The following SV2C variants were observed in gnomAD, a reference collection of about 807,000 sequenced individuals.
SV2C encodes synaptic vesicle glycoprotein 2C.
In SV2C, 49 loss-of-function variants were observed where a neutral mutation model predicts 79.7. The observed-to-expected ratio is 0.61, with a 90% CI of 0.49 to 0.78. The LOEUF is 0.78. Ranked by LOEUF, SV2C falls within the 30% of genes least tolerant of loss-of-function variation. The pLI, the probability that SV2C is intolerant of heterozygous loss-of-function variation, is 0.00. For missense variants in SV2C, 833 were observed against 912.9 expected, an observed-to-expected ratio of 0.91 and a Z score of 1.13; for synonymous variants, 334 against 333.2, an observed-to-expected ratio of 1.00 and a Z score of -0.03.
the SV2C span, among the ~76,000 whole-genome samples, chr5:76,059,269 C>T: frequency 6.6e-6 from 1 of 151,970 alleles, no homozygotes; most frequent in Non-Finnish European, 1.5e-5. Flanking sequence ...ATAAAGTTTG[C>T]TGCATCAATG....
chr5:75,942,861 C>T, the SV2C span, among the ~76,000 whole-genome samples: 2 of 152,050 alleles, frequency 1.3e-5, no homozygotes. Context: ...CTGTGTTAAT[C>T]GAATTAAGAA....
At chr5:75,893,546 A>T in the SV2C span, among the ~76,000 whole-genome samples, 189 of 152,196 alleles carry the variant, frequency 1.2e-3, no homozygotes, top group African/African-American at 4.4e-3. Flanking sequence ...AACATTGGGT[A>T]CTCATGGACA....
chr5:76,287,889 A>G (rs1204123540), intron 6 of SV2C, among the ~76,000 whole-genome samples: 1 of 152,198 alleles, frequency 6.6e-6, no homozygotes, highest in Non-Finnish European at 1.5e-5. Flanking sequence ...GATCGAGACC[A>G]TCCTGGCCAA....
At chr5:76,030,023 C>G in the SV2C span, among the ~76,000 whole-genome samples, 2 of 152,104 alleles carry the variant, frequency 1.3e-5, no homozygotes, top group Non-Finnish European at 2.9e-5. Context: ...ACTGCAGACC[C>G]CGGTTTCTAT....
the SV2C span, among the ~76,000 whole-genome samples, chr5:76,000,683 G>A: frequency 6.6e-6 from 1 of 152,180 alleles, no homozygotes; most frequent in South Asian, 2.1e-4. Context: ...ATTAAGACAT[G>A]CAGAGAATGA....
chr5:75,866,031 C>G, the SV2C span, among the ~76,000 whole-genome samples: 4 of 152,142 alleles, frequency 2.6e-5, no homozygotes, highest in African/African-American at 9.7e-5. Flanking sequence ...AAAAATGCAT[C>G]CCCTGCAGTA....
intron 1 of SV2C, among the ~76,000 whole-genome samples, chr5:76,086,200 A>G (rs923133295): frequency 2.0e-5 from 3 of 152,200 alleles, no homozygotes; most frequent in African/African-American, 7.2e-5. Flanking sequence ...AAATGCTTCA[A>G]ATAATAGGAT....
the SV2C span, among the ~76,000 whole-genome samples, chr5:75,873,926 C>A: frequency 1.3e-5 from 2 of 151,858 alleles, no homozygotes; most frequent in Non-Finnish European, 2.9e-5. Context: ...GCCTACCAAC[C>A]AAAAAAAGCC....
chr5:76,255,066 C>G (rs1423731837), intron 4 of SV2C, among the ~76,000 whole-genome samples: 1 of 152,090 alleles, frequency 6.6e-6, no homozygotes, highest in African/African-American at 2.4e-5. Context: ...GAGCTTTTCC[C>G]TATTATTCTG....
the SV2C span, among the ~76,000 whole-genome samples, chr5:75,906,956 A>T: frequency 6.6e-6 from 1 of 152,244 alleles, no homozygotes; most frequent in Admixed American, 6.5e-5. Flanking sequence ...ACAGACAATT[A>T]TCCAGAACAA....
chr5:75,992,551 T>C, the SV2C span, among the ~76,000 whole-genome samples: 1 of 152,016 alleles, frequency 6.6e-6, no homozygotes, highest in East Asian at 1.9e-4. Context: ...GATTATTAAA[T>C]TGATTTGTGA....
upstream of SV2C, among the ~76,000 whole-genome samples, chr5:76,082,995 C>A (rs1009546504): frequency 1.3e-5 from 2 of 152,250 alleles, no homozygotes; most frequent in Admixed American, 6.5e-5. Context: ...ACCCGGGGCG[C>A]CGCCAAGTGC....
intron 2 of SV2C, among the ~76,000 whole-genome samples, chr5:76,150,038 C>T (rs575377663): frequency 6.6e-6 from 1 of 152,268 alleles, no homozygotes; most frequent in African/African-American, 2.4e-5. Flanking sequence ...TGTCAAAGAA[C>T]TGATGGAAAA....
At chr5:76,042,678 C>T in the SV2C span, among the ~76,000 whole-genome samples, 2 of 152,206 alleles carry the variant, frequency 1.3e-5, no homozygotes, top group African/African-American at 2.4e-5. Context: ...CATGGCTCTG[C>T]TCCTGTTATT....
At chr5:76,305,604 T>G (rs1202987538) in intron 12 of SV2C, among the ~76,000 whole-genome samples, 1 of 152,220 alleles carries the variant, frequency 6.6e-6, no homozygotes, top group African/African-American at 2.4e-5. Context: ...TTATTAATTT[T>G]GTGTCTTTTA....
At chr5:75,976,538 T>G in the SV2C span, among the ~76,000 whole-genome samples, 1 of 151,904 alleles carries the variant, frequency 6.6e-6, no homozygotes, top group Non-Finnish European at 1.5e-5. Flanking sequence ...GTCTCGGTGG[T>G]TACCTTCCTT....
chr5:76,173,107 A>G (rs1743376830), intron 2 of SV2C, among the ~76,000 whole-genome samples: 1 of 147,896 alleles, frequency 6.8e-6, no homozygotes, highest in Non-Finnish European at 1.5e-5. Flanking sequence ...AGCTGTGTTA[A>G]TCAAAGCGCT....
At chr5:76,319,165 C>A (rs2112557208) in intron 12 of SV2C, among the ~76,000 whole-genome samples, 1 of 152,148 alleles carries the variant, frequency 6.6e-6, no homozygotes, top group South Asian at 2.1e-4. Context: ...AATCCCAGCC[C>A]TTTGGGAGGC....
chr5:75,957,155 G>A, the SV2C span, among the ~76,000 whole-genome samples: 2 of 151,890 alleles, frequency 1.3e-5, no homozygotes, highest in African/African-American at 4.8e-5. Context: ...CAATGATGAT[G>A]GGAAAAGCCT....
Sources: gnomAD v4.1 joint callset for allele counts (sites outside exome capture counted in the v4.1 genomes callset) on GRCh38, gnomAD v4.1.1 for gene constraint, MANE v1.5 for transcripts, NCBI Gene and HGNC (gene_info 2026-07-23, HGNC 2026-07-21) for gene names.